BRWD1: variants seen among roughly 807,000 people sequenced by gnomAD.
BRWD1 encodes bromodomain and WD repeat domain containing 1.
In BRWD1, 82 loss-of-function variants were observed where a neutral mutation model predicts 251.2. The observed-to-expected ratio is 0.33, with a 90% CI of 0.27 to 0.39. The LOEUF (loss-of-function observed/expected upper bound fraction) is 0.39. Ranked by LOEUF, BRWD1 falls within the 10% of genes least tolerant of loss-of-function variation. BRWD1 has a pLI of 1.00. For synonymous variants in BRWD1, 918 were observed against 902.8 expected (o/e 1.02, Z -0.30); for missense variants, 2,233 against 2,711.6 (o/e 0.82, Z 3.92).
Position 39,191,143 on chromosome 21 carries a change from C to A in BRWD1, c.*5116G>T. ...ATGCAGGCAGAATCAGAAGTAAATA[C>A]TTGTTTTCAATCTACCCTATTACTG... On this transcript the variant is annotated 3_prime_UTR_variant, in exon 41 of 41. Coordinates refer to ENST00000342449, the MANE Select transcript of BRWD1 (RefSeq NM_033656.4). 1.0e-6 allele frequency: 1 copy of A among 985,300 alleles called. No homozygotes were observed. Among genetic ancestry groups the A allele is most frequent in the Non-Finnish European group, 1.2e-6 (1 of 829,892 alleles). The allele number at this position is 985,300 out of a possible 1,614,324, so 61.0% of individuals were successfully genotyped here. A position where few individuals can be genotyped will look rare whatever the true frequency, so the allele number is the denominator to read the frequency against.
chr21:39,292,139 G>GGGT (rs2035834075), intron 8 of BRWD1, among the ~76,000 whole-genome samples: 2 of 91,786 alleles, frequency 2.2e-5, no homozygotes, highest in Non-Finnish European at 4.4e-5. Context: ...GGGTGGGGGG[G>GGGT]GGGGTCTCAC....
intron 8 of BRWD1, among the ~76,000 whole-genome samples, chr21:39,289,507 G>A (rs1279397463): frequency 6.6e-6 from 1 of 151,020 alleles, no homozygotes; most frequent in Non-Finnish European, 1.5e-5. Context: ...GCATCTCCAA[G>A]TTTCCACCTG....
chr21:39,255,685 G>A lies in BRWD1; in HGVS notation c.2215C>T (p.Arg739Ter), dbSNP rs1447061998. Residue 739 changes from arginine (R) to a stop codon, truncating the protein, a stop_gained, in exon 19 of 41, where the codon CGA becomes TGA. Coordinates refer to ENST00000342449, the MANE Select transcript of BRWD1 (RefSeq NM_033656.4). LOFTEE classifies it high-confidence loss of function. ...GGTACCTCTGGTACAACCACTCTTC[G>A]TTTCCAAGCCTGCAGGTCACGTTCT... is the stretch of plus-strand genomic sequence containing the variant. ...ATERDLQAWK[R>*]RVVVPEVPLG... 2 of 1,614,132 alleles carry A rather than the reference G, an allele frequency of 1.2e-6. No homozygotes were observed. The highest frequency in any genetic ancestry group is 1.7e-6 in the Non-Finnish European group (2 of 1,180,008).
At chr21:39,317,497 C>CAT (rs1001261575), upstream of BRWD1, among the ~76,000 whole-genome samples, 8 of 152,186 alleles carry the variant, frequency 5.3e-5, no homozygotes, top group African/African-American at 4.8e-5. Flanking sequence ...GGCCCAAGGG[C>CAT]ATATAGCTGG....
chr21:39,245,390 T>C (rs2034150037), intron 21 of BRWD1, among the ~76,000 whole-genome samples: 1 of 152,170 alleles, frequency 6.6e-6, no homozygotes, highest in South Asian at 2.1e-4. Flanking sequence ...GCCTCTGAAG[T>C]ACATATTACA....
intron 19 of BRWD1, among the ~76,000 whole-genome samples, chr21:39,253,121 C>T (rs2034449364): frequency 6.6e-6 from 1 of 151,952 alleles, no homozygotes; most frequent in Non-Finnish European, 1.5e-5. Context: ...GAAACCCCAT[C>T]TCTACTGAAA....
At chr21:39,250,678 C>A (rs1043263715) in intron 20 of BRWD1, 118 bp downstream of exon 20, 1 of 652,324 alleles carries the variant, frequency 1.5e-6, no homozygotes. Context: ...AAACAGAAAA[C>A]CTTAAGCAAG....
chr21:39,236,810 G>C, intron 22 of BRWD1, 26 bp from the exon 23 acceptor site: 1 of 1,594,494 alleles, frequency 6.3e-7, no homozygotes, highest in Non-Finnish European at 8.6e-7. Flanking sequence ...GCTTTCAGTT[G>C]AATGGAGCCA....
chr21:39,241,519 T>C (rs1336621829), intron 21 of BRWD1, among the ~76,000 whole-genome samples: 1 of 64,404 alleles, frequency 1.6e-5, no homozygotes, highest in African/African-American at 5.4e-5. Flanking sequence ...AAAAAAAGAT[T>C]TAAAAATCTA....
intron 13 of BRWD1, among the ~76,000 whole-genome samples, chr21:39,271,286 C>T (rs1380090409): frequency 1.3e-5 from 2 of 151,916 alleles, no homozygotes; most frequent in East Asian, 3.9e-4. Context: ...AGCAAGACTA[C>T]GTTCTCAAAA....
chr21:39,233,656 G>A (rs2033705031), intron 23 of BRWD1, among the ~76,000 whole-genome samples: 1 of 152,198 alleles, frequency 6.6e-6, no homozygotes, highest in Non-Finnish European at 1.5e-5. Context: ...TTCTCTTTAA[G>A]TTTCAGATTT....
At position 39,293,870 on chromosome 21, in the gene BRWD1, T is replaced by G. The variant is rs1462053922; in HGVS notation, c.772A>C (p.Arg258=). ...CDKIIRVWCL[R]TCAPVAVLQG... ...AGCACAGCAACTGGGGCACAAGTTC[T>G]CAAGCACCACACTCTAATAATTTTA... The change falls in exon 8 of 41, where the codon AGA becomes CGA. Residue 258 remains arginine, a synonymous_variant. Coordinates refer to ENST00000342449, the MANE Select transcript of BRWD1 (RefSeq NM_033656.4). 6.2e-7 allele frequency: 1 copy of G among 1,614,192 alleles called. No homozygotes were observed. Among genetic ancestry groups the G allele is most frequent in the Non-Finnish European group, 8.5e-7 (1 of 1,180,026 alleles).
At chr21:39,268,977 G>C (rs2035016795) in intron 15 of BRWD1, among the ~76,000 whole-genome samples, 1 of 151,920 alleles carries the variant, frequency 6.6e-6, no homozygotes, top group African/African-American at 2.4e-5. Context: ...GACAGAGCGA[G>C]ACTCTGTCTC....
chr21:39,212,185 C>A (rs8132094), intron 34 of BRWD1, among the ~76,000 whole-genome samples: 1 of 152,134 alleles, frequency 6.6e-6, no homozygotes, highest in Admixed American at 6.6e-5. Flanking sequence ...GGAATAAACT[C>A]CTAATTCATC....
At position 39,196,757 on chromosome 21, in the gene BRWD1, A is replaced by G. The variant is rs773506093; in HGVS notation, c.6312T>C (p.Tyr2104=). 6.8e-6 allele frequency: 11 copies of G among 1,613,374 alleles called. No individual in the cohort carries two copies. In the South Asian group the frequency reaches 1.2e-4, roughly 18 times the overall value. ...RRWNGRRLRT[Y]GKAPFSKTKV... ...TTGTCTTACTAAAAGGAGCCTTTCC[A>G]TAGGTCCTGAGTCTTCTGCCATTCC... The change falls in exon 41 of 41, where the codon TAT becomes TAC. Residue 2104 remains tyrosine, a synonymous_variant. Coordinates refer to ENST00000342449, the MANE Select transcript of BRWD1 (RefSeq NM_033656.4).
chr21:39,310,426 G>A (rs375308183), intron 4 of BRWD1, among the ~76,000 whole-genome samples: 1 of 151,960 alleles, frequency 6.6e-6, no homozygotes, highest in East Asian at 1.9e-4. Context: ...ATCACCTGAA[G>A]TCAGGAGTTC....
chr21:39,296,417 G>C, intron 5 of BRWD1, 54 bp from the exon 6 acceptor site: 4 of 1,485,314 alleles, frequency 2.7e-6, no homozygotes, highest in Non-Finnish European at 3.6e-6. Context: ...CCCCAAGAAA[G>C]ATTTTATAGA....
At chr21:39,273,116 A>T (rs954073563) in intron 13 of BRWD1, among the ~76,000 whole-genome samples, 2 of 152,222 alleles carry the variant, frequency 1.3e-5, no homozygotes, top group Non-Finnish European at 2.9e-5. Context: ...TCATGGATCG[A>T]GTGCGTCAGC....
At chr21:39,251,784 A>G (rs2034402128) in intron 19 of BRWD1, among the ~76,000 whole-genome samples, 1 of 152,176 alleles carries the variant, frequency 6.6e-6, no homozygotes, top group South Asian at 2.1e-4. Flanking sequence ...TTGCAGCCAA[A>G]TGAAAGTCCC....
Sources: allele counts gnomAD v4.1 joint callset (sites outside exome capture counted in the v4.1 genomes callset), GRCh38; gene constraint gnomAD v4.1.1; transcripts MANE v1.5; gene names NCBI Gene and HGNC (gene_info 2026-07-23, HGNC 2026-07-21).